SERPINE2: variants seen among roughly 807,000 people sequenced by gnomAD.
SERPINE2 encodes glia-derived nexin.
Under a neutral mutation model 36.3 loss-of-function variants are expected in SERPINE2, and 14 were observed. The ratio of observed to expected loss-of-function variants is 0.39; its 90% CI spans 0.25 to 0.60. SERPINE2 has a LOEUF of 0.60. Ranked by LOEUF, SERPINE2 falls within the 20% of genes least tolerant of loss-of-function variation. The probability of loss-of-function intolerance (pLI) is 0.57; values close to 1 mark genes in which losing one functional copy is unlikely to be tolerated. For missense variants in SERPINE2, 418 were observed against 499.6 expected (o/e 0.84, Z 1.56); for synonymous variants, 192 against 191.8 (o/e 1.00, Z -0.01).
In SERPINE2 at chr2:224,031,236, C is replaced by T. The variant is rs1327265226; in HGVS notation, c.-23+7863G>A. On this transcript the variant is annotated intron_variant, in intron 1 of 8. Coordinates refer to ENST00000409304, the MANE Select transcript of SERPINE2 (RefSeq NM_001136528.2). ...CGACCCTACATATTCACAGGGTGTG[C>T]CACTTTGGCATACAGGCTGTGTGAC... 6.2e-6 allele frequency: 6 copies of T among 968,582 alleles called. No individual in the cohort carries two copies. The African/African-American group carries it at 9.6e-5, about 16-fold the overall frequency. The allele number at this position is 968,582 out of a possible 1,614,324, so 60.0% of individuals were successfully genotyped here.
At chr2:224,024,781 A>G (rs917568527) in intron 1 of SERPINE2, among the ~76,000 whole-genome samples, 1 of 152,234 alleles carries the variant, frequency 6.6e-6, no homozygotes, top group Admixed American at 6.5e-5. Context: ...CAAAGCTAAG[A>G]TAGGAGAACA....
At chr2:224,031,183 G>A in intron 1 of SERPINE2, 6 of 985,388 alleles carry the variant, frequency 6.1e-6, no homozygotes, top group Non-Finnish European at 7.2e-6. Context: ...CCGGGTCCAG[G>A]CTCTGGCACT....
chr2:223,978,869 T>C (rs1270409608), intron 7 of SERPINE2: 1 of 152,198 alleles, frequency 6.6e-6, no homozygotes, highest in African/African-American at 2.4e-5. Flanking sequence ...ATAATGCCTT[T>C]GAGGAGGTAA....
chr2:224,019,817 T>C (rs1691936544), intron 1 of SERPINE2, among the ~76,000 whole-genome samples: 1 of 150,676 alleles, frequency 6.6e-6, no homozygotes, highest in South Asian at 2.1e-4. Flanking sequence ...CACAACCTTG[T>C]CACTCTTGCC....
intron 8 of SERPINE2, 102 bp downstream of exon 8, chr2:223,977,442 G>C: frequency 1.3e-6 from 1 of 772,568 alleles, no homozygotes; most frequent in Middle Eastern, 2.4e-4. Flanking sequence ...ATTGACATTA[G>C]GGAAATGGAC....
At chr2:224,028,726 A>G (rs1692266776) in intron 1 of SERPINE2, among the ~76,000 whole-genome samples, 1 of 152,182 alleles carries the variant, frequency 6.6e-6, no homozygotes, top group Non-Finnish European at 1.5e-5. Context: ...ATAGTACTTG[A>G]CACACTGATG....
In SERPINE2 at chr2:224,031,032, T is replaced by C. The variant is rs548955581; in HGVS notation, c.-23+8067A>G. The C allele has an allele frequency of 6.1e-6, 6 of 985,442 alleles. No homozygotes were observed. The African/African-American group carries it at 1.0e-4, about 17-fold the overall frequency. 61.0% of individuals were successfully genotyped at this position (985,442 alleles called of 1,614,324 possible). ...TGTTTTGGTTGTGATACTAGGGCTA[T>C]CACGCAGCACGGCGAGGAGGTAGTC... On this transcript the variant is annotated intron_variant, in intron 1 of 8. Coordinates refer to ENST00000409304, the MANE Select transcript of SERPINE2 (RefSeq NM_001136528.2).
Position 223,980,397 on chromosome 2 carries a change from C to T in SERPINE2, c.986G>A (p.Arg329Lys). ...ATGAGAAACATGGAGGTTTTCTGAC[C>T]CTGCTTCCAGAAAATAAAACAGTAT... ...SSKANFAKIT[R>K]SENLHVSHIL... Residue 329 changes from arginine to lysine, a missense_variant and splice_region_variant, in exon 7 of 9, where the codon AGG (arginine) becomes AAG (lysine). Coordinates refer to ENST00000409304, the MANE Select transcript of SERPINE2 (RefSeq NM_001136528.2). 1 of 1,613,440 alleles carries T rather than the reference C, an allele frequency of 6.2e-7. No individual in the cohort carries two copies. The highest frequency in any genetic ancestry group is 8.5e-7 in the Non-Finnish European group (1 of 1,179,438).
intron 2 of SERPINE2, among the ~76,000 whole-genome samples, chr2:224,001,160 G>A (rs1004575389): frequency 6.6e-6 from 1 of 152,058 alleles, no homozygotes; most frequent in South Asian, 2.1e-4. Flanking sequence ...TTGGGGAGGG[G>A]GGTCTGTGCA....
In SERPINE2 at chr2:223,984,645, A is replaced by C; in HGVS notation, c.884+107T>G. The C allele has an allele frequency of 7.8e-6, 8 of 1,026,224 alleles. No homozygotes were observed. The South Asian group carries it at 1.1e-4, about 14-fold the overall frequency. 63.6% of individuals were successfully genotyped at this position (1,026,224 alleles called of 1,614,324 possible). ...CCATGAAATTTCTGCAGAACAGAAC[A>C]GGCTTCATGATGTGCCATATTTTCG... On this transcript the variant is annotated intron_variant, in intron 5 of 8. Transcript: ENST00000409304.
chr2:223,995,703 T>A (rs1690858751), intron 3 of SERPINE2, among the ~76,000 whole-genome samples: 1 of 152,232 alleles, frequency 6.6e-6, no homozygotes, highest in South Asian at 2.1e-4. Context: ...GCAGAGCCTG[T>A]GCTTTGTTTT....
intron 1 of SERPINE2, among the ~76,000 whole-genome samples, chr2:224,025,440 ATAGGGCATCCCCCAG>A (rs1692151086): frequency 6.6e-6 from 1 of 152,214 alleles, no homozygotes; most frequent in Non-Finnish European, 1.5e-5. Flanking sequence ...ATGCTTGGAT[ATAGGGCATCCCCCAG>A]ATAAGACAGC....
intron 4 of SERPINE2, among the ~76,000 whole-genome samples, chr2:223,987,089 T>C (rs1342926753): frequency 2.6e-5 from 4 of 152,184 alleles, no homozygotes; most frequent in African/African-American, 9.7e-5. Context: ...TGTAGCACAC[T>C]AGCTCTGAGA....
At chr2:224,009,704 A>AG (rs1162296142) in intron 1 of SERPINE2, among the ~76,000 whole-genome samples, 1 of 149,866 alleles carries the variant, frequency 6.7e-6, no homozygotes, top group African/African-American at 2.5e-5. Context: ...CAAAAAAAAA[A>AG]CAACAACAAA....
At chr2:224,025,148 G>C (rs1692142107) in intron 1 of SERPINE2, among the ~76,000 whole-genome samples, 1 of 152,170 alleles carries the variant, frequency 6.6e-6, no homozygotes, top group Admixed American at 6.5e-5. Context: ...AAAAAAAAGA[G>C]AGCACACGGG....
chr2:223,990,758 A>T (rs760626583), intron 4 of SERPINE2, among the ~76,000 whole-genome samples: 4 of 152,168 alleles, frequency 2.6e-5, no homozygotes, highest in Non-Finnish European at 5.9e-5. Context: ...CAGGTGGATC[A>T]CTTAGGCCCA....
chr2:223,982,431 C>A (rs1385743874), intron 6 of SERPINE2: 1 of 360,412 alleles, frequency 2.8e-6, no homozygotes, highest in African/African-American at 2.1e-5. Context: ...GCTATATAAA[C>A]TGATCCATGT....
chr2:224,030,835 T>C lies in SERPINE2; in HGVS notation c.-23+8264A>G, dbSNP rs1375706227. On this transcript the variant is annotated intron_variant, in intron 1 of 8. Coordinates refer to ENST00000409304, the MANE Select transcript of SERPINE2 (RefSeq NM_001136528.2). ...GTTTTATCCAGCTCAGCTTAAGTTA[T>C]TCGCTTGGACTCTTGTGTAAATCTC... The C allele has an allele frequency of 1.5e-5, 6 of 389,436 alleles. No individual in the cohort carries two copies. The Admixed American group carries it at 1.9e-4, about 13-fold the overall frequency. 24.1% of individuals were successfully genotyped at this position (389,436 alleles called of 1,614,324 possible).
At chr2:224,004,797 G>T (rs553066713) in intron 1 of SERPINE2, among the ~76,000 whole-genome samples, 1 of 151,320 alleles carries the variant, frequency 6.6e-6, no homozygotes, top group Non-Finnish European at 1.5e-5. Flanking sequence ...CATCTCAATT[G>T]TTGTCTCTTG....
Sources: allele counts gnomAD v4.1 joint callset (sites outside exome capture counted in the v4.1 genomes callset), GRCh38; gene constraint gnomAD v4.1.1; transcripts MANE v1.5; gene names NCBI Gene and HGNC (gene_info 2026-07-23, HGNC 2026-07-21).